The following ZDHHC13 variants were observed in gnomAD, a reference collection of about 807,000 sequenced individuals.
ZDHHC13 encodes zDHHC palmitoyltransferase 13.
In ZDHHC13, 85 loss-of-function variants were observed where a neutral mutation model predicts 86.0. The observed-to-expected ratio is 0.99, with a 90% confidence interval of 0.83 to 1.18. The LOEUF (loss-of-function observed/expected upper bound fraction) is 1.18. Ranked by LOEUF, ZDHHC13 falls within the 50% of genes most tolerant of loss-of-function variation. The pLI is 0.00. For missense variants in ZDHHC13, 711 were observed against 730.2 expected (o/e 0.97, Z 0.30); for synonymous variants, 263 against 246.4 (o/e 1.07, Z -0.63).
intron 1 of ZDHHC13, among the ~76,000 whole-genome samples, chr11:19,138,053 A>T (rs1490610966): frequency 6.6e-6 from 1 of 151,654 alleles, no homozygotes; most frequent in Non-Finnish European, 1.5e-5. Context: ...GCAAGAAATA[A>T]CTAAAATCAG....
chr11:19,122,205 C>G (rs1590057534), intron 1 of ZDHHC13, among the ~76,000 whole-genome samples: 2 of 152,266 alleles, frequency 1.3e-5, no homozygotes, highest in African/African-American at 4.8e-5. Flanking sequence ...AAATTATATT[C>G]ATTAACTAAT....
At position 19,134,407 on chromosome 11, in the gene ZDHHC13, C is replaced by T. The variant is rs564801568; in HGVS notation, c.28-8571C>T. ...ATTCTGCTATAAATATACATGTACACGTATGTTTATTGCAGCACCATTCAC... is the reference window on the plus strand; with the variant it reads ...ATTCTGCTATAAATATACATGTACATGTATGTTTATTGCAGCACCATTCAC... On this transcript the variant is annotated intron_variant, in intron 1 of 16. Coordinates refer to ENST00000446113, the MANE Select transcript of ZDHHC13 (RefSeq NM_019028.3). Among the ~76,000 whole-genome samples, 38 of 151,658 alleles carry T rather than the reference C, an allele frequency of 2.5e-4. No homozygotes were observed. In the South Asian group the frequency reaches 3.2e-3, roughly 13 times the overall value.
intron 8 of ZDHHC13, among the ~76,000 whole-genome samples, 173 bp from the exon 9 acceptor site, chr11:19,155,623 A>G (rs530424704): frequency 3.3e-5 from 5 of 151,970 alleles, no homozygotes; most frequent in Admixed American, 2.0e-4. Context: ...AAGATGTACA[A>G]TCTCTCAAAC....
chr11:19,174,159 A>G (rs1327630649), intron 16 of ZDHHC13, among the ~76,000 whole-genome samples: 3 of 152,234 alleles, frequency 2.0e-5, no homozygotes, highest in Admixed American at 2.0e-4. Context: ...GGTAGTGTAG[A>G]CAGAGTGGAA....
chr11:19,144,217 T>C lies in ZDHHC13; in HGVS notation c.173+1094T>C, dbSNP rs115535742. Among the ~76,000 whole-genome samples, 1,043 of 152,338 alleles carry C rather than the reference T, an allele frequency of 6.8e-3. 9 individuals carry two copies. The highest frequency in any genetic ancestry group is 0.024 in the African/African-American group (984 of 41,578). On this transcript the variant is annotated intron_variant, in intron 2 of 16. Coordinates refer to ENST00000446113, the MANE Select transcript of ZDHHC13 (RefSeq NM_019028.3). ...AAGATGAGCATATTCTTAAGGTAAA[T>C]ATTTGCTTTAATTAGGATGCAAACA...
At chr11:19,145,997 CA>C (rs1343830324) in intron 2 of ZDHHC13, among the ~76,000 whole-genome samples, 183 bp from the exon 3 acceptor site, 1 of 152,102 alleles carries the variant, frequency 6.6e-6, no homozygotes, top group Non-Finnish European at 1.5e-5. Flanking sequence ...GTACATAAAC[CA>C]GGTTTCCTTT....
In ZDHHC13 at chr11:19,136,866, T is replaced by C. The variant is rs1313315033; in HGVS notation, c.28-6112T>C. ...ATAAAATACTTTACAGACAAGCAAA[T>C]GCTGAGAGATTTTGTCACCACCAGG... On this transcript the variant is annotated intron_variant, in intron 1 of 16. Transcript: ENST00000446113. 4.0e-5 allele frequency among the ~76,000 whole-genome samples: 6 copies of C among 151,680 alleles called. No homozygotes were observed. In the East Asian group the frequency reaches 1.2e-3, roughly 29 times the overall value.
At chr11:19,133,094 T>G (rs1309773126) in intron 1 of ZDHHC13, among the ~76,000 whole-genome samples, 1 of 152,126 alleles carries the variant, frequency 6.6e-6, no homozygotes, top group Non-Finnish European at 1.5e-5. Flanking sequence ...AAATGGCCAG[T>G]AAACATGAAG....
chr11:19,134,485 A>G lies in ZDHHC13; in HGVS notation c.28-8493A>G, dbSNP rs144100149. ...ATGCCCATCAATGACAGACTGGATA[A>G]AGAAAATGTGGCACATATTCACCAT... On this transcript the variant is annotated intron_variant, in intron 1 of 16. Transcript: ENST00000446113. 6.8e-3 allele frequency among the ~76,000 whole-genome samples: 1,042 copies of G among 152,372 alleles called. 9 individuals carry two copies. Among genetic ancestry groups the G allele is most frequent in the African/African-American group, 0.024 (983 of 41,578 alleles).
chr11:19,161,366 G>A (rs549906174), intron 10 of ZDHHC13, among the ~76,000 whole-genome samples: 1 of 151,962 alleles, frequency 6.6e-6, no homozygotes, highest in Non-Finnish European at 1.5e-5. Context: ...TCATGGTGTG[G>A]CTGCAAGGAT....
At position 19,117,311 on chromosome 11, in the gene ZDHHC13, C is replaced by T; in HGVS notation, c.27+35C>T. ...GCCGGGCGGTGGCTGTCCTGGGGGCCGGGAGAGCGGCTGCAGCTGTGGAGG... is the reference window on the plus strand; with the variant it reads ...GCCGGGCGGTGGCTGTCCTGGGGGCTGGGAGAGCGGCTGCAGCTGTGGAGG... On this transcript the variant is annotated intron_variant, in intron 1 of 16. Transcript: ENST00000446113. The surrounding 1 kb of genome is among the most constrained non-coding windows in gnomAD (Gnocchi z 4.2). 5 of 1,439,818 alleles carry T rather than the reference C, an allele frequency of 3.5e-6. No individual in the cohort carries two copies. Among genetic ancestry groups the T allele is most frequent in the South Asian group, 1.4e-5 (1 of 72,850 alleles). The allele number at this position is 1,439,818 out of a possible 1,614,324, so 89.2% of individuals were successfully genotyped here.
intron 15 of ZDHHC13, among the ~76,000 whole-genome samples, chr11:19,171,487 G>GA (rs1364764506): frequency 3.3e-5 from 5 of 152,022 alleles, no homozygotes; most frequent in Non-Finnish European, 7.4e-5. Flanking sequence ...GAAAGAAAGA[G>GA]AAAAAAGAAA....
chr11:19,168,844 A>ATTAC, intron 14 of ZDHHC13: 1 of 985,468 alleles, frequency 1.0e-6, no homozygotes, highest in Non-Finnish European at 1.2e-6. Flanking sequence ...CAAGGTGGAT[A>ATTAC]GTAAGTGACT....
chr11:19,175,818 G>A lies in ZDHHC13; in HGVS notation c.1731-4G>A, dbSNP rs78603780. Reference sequence around the variant, plus strand: ...ACATGTTCTCTTTTTTTTTTTCTTGGCAGTCTTGGATTCATGCAGAACCTG... The same window carrying A: ...ACATGTTCTCTTTTTTTTTTTCTTGACAGTCTTGGATTCATGCAGAACCTG... On this transcript the variant is annotated splice_region_variant and splice_polypyrimidine_tract_variant and intron_variant, in intron 16 of 16. Transcript: ENST00000446113. 188,988 of 1,596,386 alleles carry A rather than the reference G, an allele frequency of 0.12. 12,042 individuals carry two copies. The highest frequency in any genetic ancestry group is 0.14 in the African/African-American group (9,872 of 73,096).
In ZDHHC13 at chr11:19,159,102, T is replaced by G; in HGVS notation, c.1108+62T>G. ...TTTGCCTTTAAAAGAGTAATGTTAT[T>G]GTTAGGAATTTAGGTATTGGAAAAG... On this transcript the variant is annotated intron_variant, in intron 10 of 16. Coordinates refer to ENST00000446113, the MANE Select transcript of ZDHHC13 (RefSeq NM_019028.3). 4.1e-6 allele frequency: 5 copies of G among 1,233,632 alleles called. No individual in the cohort carries two copies. In the East Asian group the frequency reaches 1.0e-4, roughly 26 times the overall value. The allele number at this position is 1,233,632 out of a possible 1,614,324, so 76.4% of individuals were successfully genotyped here. A position where few individuals can be genotyped will look rare whatever the true frequency, so the allele number is the denominator to read the frequency against.
chr11:19,127,962 A>C (rs566502578), intron 1 of ZDHHC13, among the ~76,000 whole-genome samples: 1 of 152,264 alleles, frequency 6.6e-6, no homozygotes, highest in East Asian at 1.9e-4. Flanking sequence ...TGAATTTTAA[A>C]ATAGTTTTTT....
At chr11:19,154,089 C>T (rs1849691888) in intron 8 of ZDHHC13, among the ~76,000 whole-genome samples, 1 of 152,152 alleles carries the variant, frequency 6.6e-6, no homozygotes, top group Non-Finnish European at 1.5e-5. Flanking sequence ...TTATGATGGC[C>T]TATAGGGCCC....
At chr11:19,139,384 A>G (rs949916661) in intron 1 of ZDHHC13, among the ~76,000 whole-genome samples, 4 of 151,524 alleles carry the variant, frequency 2.6e-5, no homozygotes, top group African/African-American at 9.7e-5. Flanking sequence ...TTCAAGGAGA[A>G]CTACAAACCA....
At chr11:19,162,500 C>T (rs1344242446) in intron 10 of ZDHHC13, among the ~76,000 whole-genome samples, 1 of 151,888 alleles carries the variant, frequency 6.6e-6, no homozygotes, top group Admixed American at 6.6e-5. Context: ...ACTTGGATAC[C>T]CTAAAAGTGT....
Sources: allele counts gnomAD v4.1 joint callset (sites outside exome capture counted in the v4.1 genomes callset), GRCh38; gene constraint gnomAD v4.1.1; non-coding constraint Gnocchi (gnomAD v3.1); transcripts MANE v1.5; gene names NCBI Gene and HGNC (gene_info 2026-07-23, HGNC 2026-07-21).